Variants in SEMA3A observed in about 807,000 individuals in gnomAD.
SEMA3A encodes semaphorin 3A.
A neutral mutation model predicts 97.9 loss-of-function variants in SEMA3A; 29 were observed. The observed-to-expected ratio is 0.30, with a 90% CI of 0.22 to 0.40. The LOEUF (loss-of-function observed/expected upper bound fraction) is 0.40. SEMA3A is among the 10% of genes least tolerant of loss of function. The pLI, the probability that SEMA3A is intolerant of heterozygous loss-of-function variation, is 1.00. For synonymous variants in SEMA3A, 321 were observed against 323.7 expected (o/e 0.99, Z 0.09); for missense variants, 763 against 951.3 (o/e 0.80, Z 2.60).
intron 2 of SEMA3A, among the ~76,000 whole-genome samples, chr7:84,362,213 CTAAA>C (rs545165551): frequency 2.6e-5 from 4 of 151,434 alleles, no homozygotes; most frequent in Non-Finnish European, 5.9e-5. Flanking sequence ...GAACCCCATG[CTAAA>C]TAAATAAATA....
chr7:83,986,707 C>A (rs1381185502), intron 12 of SEMA3A, among the ~76,000 whole-genome samples: 1 of 152,064 alleles, frequency 6.6e-6, no homozygotes, highest in South Asian at 2.1e-4. Flanking sequence ...ACCGAAGCTA[C>A]TAAATTAAGT....
chr7:84,273,522 A>G (rs1800206985), intron 3 of SEMA3A, among the ~76,000 whole-genome samples: 1 of 152,270 alleles, frequency 6.6e-6, no homozygotes, highest in African/African-American at 2.4e-5. Flanking sequence ...ACGTTTTCCT[A>G]CGTTTACCTG....
At chr7:84,354,615 G>A (rs911479903) in intron 2 of SEMA3A, among the ~76,000 whole-genome samples, 8 of 151,448 alleles carry the variant, frequency 5.3e-5, no homozygotes, top group Non-Finnish European at 5.9e-5. Flanking sequence ...TGCCAAACAC[G>A]GATAGAGAAA....
chr7:84,158,441 C>T (rs1434505115), intron 1 of SEMA3A, among the ~76,000 whole-genome samples: 1 of 152,100 alleles, frequency 6.6e-6, no homozygotes, highest in African/African-American at 2.4e-5. Context: ...CGTGAGCCAC[C>T]ACACCTGGCC....
At chr7:84,088,199 T>C (rs1794440552) in intron 4 of SEMA3A, among the ~76,000 whole-genome samples, 1 of 152,152 alleles carries the variant, frequency 6.6e-6, no homozygotes, top group Non-Finnish European at 1.5e-5. Context: ...CTCATGCCTA[T>C]AATCCCAGCA....
chr7:84,016,566 C>T (rs1008425912), intron 6 of SEMA3A, among the ~76,000 whole-genome samples: 2 of 151,056 alleles, frequency 1.3e-5, no homozygotes, highest in African/African-American at 4.9e-5. Flanking sequence ...AAAAAAGAAA[C>T]CTGTGTGTGC....
intron 1 of SEMA3A, among the ~76,000 whole-genome samples, chr7:84,374,774 G>A (rs1298957750): frequency 6.6e-6 from 1 of 152,158 alleles, no homozygotes; most frequent in African/African-American, 2.4e-5. Flanking sequence ...TAAGGTTGAT[G>A]ATAGGTATAT....
intron 3 of SEMA3A, among the ~76,000 whole-genome samples, chr7:84,112,666 T>C (rs1384560877): frequency 6.6e-6 from 1 of 152,192 alleles, no homozygotes; most frequent in Non-Finnish European, 1.5e-5. Flanking sequence ...ACTAGCAATT[T>C]ATAGTGACTA....
intron 3 of SEMA3A, among the ~76,000 whole-genome samples, chr7:84,280,656 C>G (rs1018813028): frequency 3.3e-5 from 5 of 151,946 alleles, no homozygotes; most frequent in African/African-American, 1.2e-4. Flanking sequence ...TAGTGGTGCA[C>G]ACCTGTAATC....
chr7:83,972,461 A>C (rs933725801), intron 15 of SEMA3A, among the ~76,000 whole-genome samples: 1 of 152,148 alleles, frequency 6.6e-6, no homozygotes, highest in Admixed American at 6.5e-5. Context: ...GCATTACAAA[A>C]GAAAGCACAA....
chr7:84,248,836 A>C (rs747219860), intron 3 of SEMA3A, among the ~76,000 whole-genome samples: 3 of 152,064 alleles, frequency 2.0e-5, no homozygotes, highest in Non-Finnish European at 2.9e-5. Context: ...TTAAGACATA[A>C]TAGCCCAGCG....
At chr7:84,396,666 T>C (rs1024129346) in intron 1 of SEMA3A, among the ~76,000 whole-genome samples, 18 of 152,164 alleles carry the variant, frequency 1.2e-4, no homozygotes, top group African/African-American at 2.9e-4. Flanking sequence ...AACTGACCCA[T>C]TGAACAAACC....
chr7:84,003,750 C>T (rs1163435581), intron 11 of SEMA3A, among the ~76,000 whole-genome samples: 3 of 152,054 alleles, frequency 2.0e-5, no homozygotes, highest in African/African-American at 2.4e-5. Context: ...CAAAGAAATT[C>T]AATTATAATT....
chr7:84,175,018 G>A lies in SEMA3A; in HGVS notation c.112+19457C>T, dbSNP rs188488288. Among the ~76,000 whole-genome samples, 1,042 of 152,116 alleles carry A rather than the reference G, an allele frequency of 6.9e-3. 7 individuals are homozygous for A. Among genetic ancestry groups the A allele is most frequent in the Non-Finnish European group, 0.01 (693 of 67,994 alleles). ...TTCTTTTTTACTGTAATGAGTATGCGTAATTGAACTCTTGCAGCCTTTGAA... is the reference window on the plus strand; with the variant it reads ...TTCTTTTTTACTGTAATGAGTATGCATAATTGAACTCTTGCAGCCTTTGAA... On this transcript the variant is annotated intron_variant, in intron 1 of 16. Coordinates refer to ENST00000265362, the MANE Select transcript of SEMA3A (RefSeq NM_006080.3).
At position 84,476,358 on chromosome 7, in the gene SEMA3A, C is replaced by CA. The variant is rs1207575758; in HGVS notation, c.-246+16101dup. On this transcript the variant is annotated intron_variant, in intron 1 of 3. Transcript: ENST00000424555. ...TGGGTGACAGAGCAAGACTCCATCT[C>CA]AAAAAAAAAAAAAAGAAAAGAAAAA... Among the ~76,000 whole-genome samples, 627 of 97,424 alleles carry CA rather than the reference C, an allele frequency of 6.4e-3. 1 individual carries two copies. Among genetic ancestry groups the CA allele is most frequent in the African/African-American group, 0.017 (452 of 25,888 alleles). The allele number at this position is 97,424 out of a possible 152,430, so 63.9% of individuals were successfully genotyped here.
chr7:84,321,961 G>A (rs1239652095), intron 2 of SEMA3A, among the ~76,000 whole-genome samples: 3 of 146,126 alleles, frequency 2.1e-5, no homozygotes, highest in Non-Finnish European at 4.5e-5. Context: ...AGGTTTAATT[G>A]ACTCACAGAC....
intron 10 of SEMA3A, among the ~76,000 whole-genome samples, chr7:84,006,804 GAAATA>G (rs942714970): frequency 3.9e-5 from 6 of 152,044 alleles, no homozygotes; most frequent in East Asian, 1.9e-4. Context: ...TAATTCATGA[GAAATA>G]AAATGAATGT....
At chr7:84,065,663 A>C (rs1451236143) in intron 4 of SEMA3A, among the ~76,000 whole-genome samples, 1 of 152,060 alleles carries the variant, frequency 6.6e-6, no homozygotes, top group Non-Finnish European at 1.5e-5. Flanking sequence ...TAAACTAGAA[A>C]ATCTAGAAGC....
chr7:84,032,562 A>G (rs1412235217), intron 6 of SEMA3A, among the ~76,000 whole-genome samples: 1 of 152,188 alleles, frequency 6.6e-6, no homozygotes, highest in Non-Finnish European at 1.5e-5. Context: ...ATGAAGAAGG[A>G]AATTCAAGGC....
Sources: gnomAD v4.1 joint callset for allele counts (sites outside exome capture counted in the v4.1 genomes callset) on GRCh38, gnomAD v4.1.1 for gene constraint, MANE v1.5 for transcripts, NCBI Gene and HGNC (gene_info 2026-07-23, HGNC 2026-07-21) for gene names.